The following CR1 variants were observed in gnomAD, a reference collection of about 807,000 sequenced individuals.
CR1 encodes complement receptor type 1.
A neutral mutation model predicts 187.3 loss-of-function variants in CR1; 116 were observed. That is an observed-to-expected ratio of 0.62 (90% CI 0.53 to 0.72). The LOEUF is 0.72. CR1 is among the 30% of genes least tolerant of loss of function. The pLI is 0.00. For missense variants in CR1, 1,731 were observed against 2,110.7 expected (o/e 0.82, Z 3.52); for synonymous variants, 576 against 747.1 (o/e 0.77, Z 3.73).
intron 4 of CR1, among the ~76,000 whole-genome samples, chr1:207,517,723 A>T (rs1176706682): frequency 6.6e-6 from 1 of 152,070 alleles, no homozygotes; most frequent in Admixed American, 6.6e-5. Flanking sequence ...AGTTTGGGTA[A>T]GTTATATTTT....
chr1:207,506,625 G>A, intron 2 of CR1, 89 bp from the exon 3 acceptor site: 2 of 1,058,816 alleles, frequency 1.9e-6, no homozygotes, highest in Non-Finnish European at 2.9e-6. Flanking sequence ...GTGTTCCTCA[G>A]TAAGCTACAG....
At chr1:207,522,463 CAA>C (rs1332941590) in intron 4 of CR1, among the ~76,000 whole-genome samples, 1 of 152,168 alleles carries the variant, frequency 6.6e-6, no homozygotes, top group Non-Finnish European at 1.5e-5. Context: ...ATGAGAAAAT[CAA>C]AAGTCTGTTC....
chr1:207,630,449 C>T, intron 45 of CR1, 68 bp from the exon 46 acceptor site: 3 of 1,034,322 alleles, frequency 2.9e-6, no homozygotes, highest in Non-Finnish European at 4.1e-6. Flanking sequence ...ATGCAAATTA[C>T]TAATTTCTTT....
intron 37 of CR1, among the ~76,000 whole-genome samples, chr1:207,610,559 C>T (rs1330159031): frequency 6.6e-6 from 1 of 152,082 alleles, no homozygotes; most frequent in African/African-American, 2.4e-5. Flanking sequence ...CTTGAGCTCC[C>T]GTCCTCAAGC....
chr1:207,614,575 T>C, intron 40 of CR1, 86 bp downstream of exon 40: 1 of 1,051,826 alleles, frequency 9.5e-7, no homozygotes, highest in Non-Finnish European at 1.4e-6. Context: ...ACCTGTTGTC[T>C]AGATCTTTAC....
intron 5 of CR1, among the ~76,000 whole-genome samples, chr1:207,525,826 A>G (rs1660150590): frequency 6.6e-6 from 1 of 151,970 alleles, no homozygotes; most frequent in South Asian, 2.1e-4. Flanking sequence ...GAGCCCTGAA[A>G]ATGGACATTA....
intron 35 of CR1, among the ~76,000 whole-genome samples, chr1:207,589,408 G>A (rs1661202998): frequency 6.6e-6 from 1 of 152,032 alleles, no homozygotes; most frequent in Non-Finnish European, 1.5e-5. Flanking sequence ...TAAAGGAATA[G>A]CATCAACATT....
At chr1:207,579,233 T>A (rs563486924) in intron 29 of CR1, among the ~76,000 whole-genome samples, 1 of 152,328 alleles carries the variant, frequency 6.6e-6, no homozygotes, top group South Asian at 2.1e-4. Flanking sequence ...GCTCATCTTG[T>A]CTACTGATGC....
chr1:207,575,496 TCTC>T (rs1660713759), intron 27 of CR1, 96 bp from the exon 28 acceptor site: 3 of 1,477,286 alleles, frequency 2.0e-6, no homozygotes, highest in East Asian at 2.3e-5. Flanking sequence ...GCCTTAGACT[TCTC>T]CTGCATTGTA....
chr1:207,630,685 G>A (rs80343690), intron 46 of CR1, 64 bp downstream of exon 46: 29,964 of 1,185,982 alleles, frequency 0.025, 518 homozygotes, highest in Admixed American at 0.037. Context: ...ATGGAAACAG[G>A]ACTTGAATAT....
rs1243707468 is a variant in CR1, at chr1:207,582,010, A to G, written c.5302+7A>G. 1 of 1,593,146 alleles carries G rather than the reference A, an allele frequency of 6.3e-7. No individual in the cohort carries two copies. Among genetic ancestry groups the G allele is most frequent in the East Asian group, 2.2e-5 (1 of 44,630 alleles). On this transcript the variant is annotated splice_region_variant and intron_variant, in intron 32 of 46. Coordinates refer to ENST00000367049, the MANE Select transcript of CR1 (RefSeq NM_000651.6). ...AGTGTTCCTGTGTGTGAACGTGAGT[A>G]GATGGAATACTTGTTCAGTCTGGAT...
chr1:207,518,017 G>A (rs942586393), intron 4 of CR1, among the ~76,000 whole-genome samples: 2 of 151,974 alleles, frequency 1.3e-5, no homozygotes, highest in African/African-American at 2.4e-5. Context: ...TAAGCTTTGT[G>A]TATTCCTCCA....
intron 27 of CR1, among the ~76,000 whole-genome samples, chr1:207,574,731 G>A (rs1660685179): frequency 6.6e-6 from 1 of 152,194 alleles, no homozygotes; most frequent in Admixed American, 6.5e-5. Flanking sequence ...TATAGAGTTT[G>A]ACTCTAAAAT....
chr1:207,624,124 C>T (rs55778931), intron 45 of CR1, among the ~76,000 whole-genome samples: 5,906 of 151,702 alleles, frequency 0.039, 384 homozygotes, highest in African/African-American at 0.13. Context: ...AAGGGTTTTG[C>T]CATCTTGGCC....
At chr1:207,579,897 G>A (rs1251527824) in intron 29 of CR1, among the ~76,000 whole-genome samples, 2 of 152,160 alleles carry the variant, frequency 1.3e-5, no homozygotes, top group African/African-American at 4.8e-5. Flanking sequence ...CAGTATGACT[G>A]TACTTTAGTC....
rs1251457595 is a variant in CR1 at position 207,523,668 on chromosome 1, G to A, written c.545G>A (p.Arg182Lys). 2 of 1,613,786 alleles carry A rather than the reference G, an allele frequency of 1.2e-6. No individual in the cohort carries two copies. The highest frequency in any genetic ancestry group is 2.7e-5 in the African/African-American group (2 of 74,906). ...ITNGDFISTN[R>K]ENFHYGSVVT... ...AATGGAGATTTCATTAGCACCAACA[G>A]AGAGAATTTTCACTATGGATCAGTG... Residue 182 changes from arginine to lysine, a missense_variant, in exon 5 of 47, where the codon AGA becomes AAA. Physicochemically the swap from Arg to Lys is conservative, Grantham distance 26 (BLOSUM62 2). Transcript: ENST00000367049.
chr1:207,518,092 C>G (rs1414826519), intron 4 of CR1, among the ~76,000 whole-genome samples: 6 of 152,068 alleles, frequency 3.9e-5, no homozygotes, highest in African/African-American at 1.4e-4. Flanking sequence ...GTACATTTAA[C>G]CTATCAATTT....
chr1:207,604,139 A>T (rs1661682839), intron 35 of CR1, among the ~76,000 whole-genome samples: 1 of 152,190 alleles, frequency 6.6e-6, no homozygotes, highest in African/African-American at 2.4e-5. Flanking sequence ...AAGTGTATTT[A>T]TCATGTTTAT....
At chr1:207,583,272 A>T (rs927703726) in intron 32 of CR1, among the ~76,000 whole-genome samples, 1 of 152,218 alleles carries the variant, frequency 6.6e-6, no homozygotes, top group Non-Finnish European at 1.5e-5. Flanking sequence ...AGAGAGGTCA[A>T]ATTAGGTGAG....
Sources: allele counts gnomAD v4.1 joint callset (sites outside exome capture counted in the v4.1 genomes callset), GRCh38; gene constraint gnomAD v4.1.1; transcripts MANE v1.5; gene names NCBI Gene and HGNC (gene_info 2026-07-23, HGNC 2026-07-21).